Variants in SHANK2 observed in about 807,000 individuals in gnomAD.
SHANK2 encodes the protein SH3 and multiple ankyrin repeat domains protein 2.
In SHANK2, 43 loss-of-function variants were observed where a neutral mutation model predicts 133.7. The ratio of observed to expected loss-of-function variants is 0.32; its 90% confidence interval spans 0.25 to 0.41. SHANK2 has a LOEUF of 0.41. SHANK2 is among the 10% of genes least tolerant of loss of function. SHANK2 has a pLI of 1.00. For missense variants in SHANK2, 1,994 were observed against 2,235.8 expected (o/e 0.89, Z 2.18); for synonymous variants, 1,017 against 952.8 (o/e 1.07, Z -1.24).
At chr11:70,876,104 C>T (rs1458108738) in intron 11 of SHANK2, among the ~76,000 whole-genome samples, 8 of 150,636 alleles carry the variant, frequency 5.3e-5, no homozygotes, top group East Asian at 2.0e-4. Context: ...TGCAGTGAGC[C>T]GAGATCACAC....
intron 1 of SHANK2, among the ~76,000 whole-genome samples, chr11:71,231,382 C>G (rs1459010364): frequency 6.6e-6 from 1 of 152,090 alleles, no homozygotes; most frequent in Non-Finnish European, 1.5e-5. Flanking sequence ...ATCAAAACAG[C>G]TAGAATGAAA....
chr11:70,909,425 G>A (rs1368455638), intron 10 of SHANK2, among the ~76,000 whole-genome samples: 1 of 152,154 alleles, frequency 6.6e-6, no homozygotes, highest in Non-Finnish European at 1.5e-5. Flanking sequence ...GTAATGATGA[G>A]GAGAGTGATC....
At chr11:70,622,543 C>A (rs1351327304) in intron 17 of SHANK2, among the ~76,000 whole-genome samples, 1 of 152,238 alleles carries the variant, frequency 6.6e-6, no homozygotes, top group Non-Finnish European at 1.5e-5. Context: ...TGGGAGGGGC[C>A]ATCCGTTCCG....
At chr11:70,757,749 G>A (rs1946904202) in intron 14 of SHANK2, among the ~76,000 whole-genome samples, 1 of 152,188 alleles carries the variant, frequency 6.6e-6, no homozygotes, top group African/African-American at 2.4e-5. Flanking sequence ...ACAACAGGAT[G>A]ACTCTATATC....
At chr11:70,538,202 C>T (rs1338891996) in intron 17 of SHANK2, among the ~76,000 whole-genome samples, 6 of 152,226 alleles carry the variant, frequency 3.9e-5, no homozygotes, top group African/African-American at 1.4e-4. Flanking sequence ...CCGGGGGCTC[C>T]TGCAGCCCTG....
intron 17 of SHANK2, among the ~76,000 whole-genome samples, chr11:70,576,399 C>G (rs1377581267): frequency 2.0e-5 from 3 of 152,124 alleles, no homozygotes; most frequent in African/African-American, 7.2e-5. Context: ...CTTTGGGAGG[C>G]CGAGGCGGGC....
intron 3 of SHANK2, among the ~76,000 whole-genome samples, chr11:71,136,524 A>G (rs1407625791): frequency 6.6e-6 from 1 of 152,206 alleles, no homozygotes; most frequent in African/African-American, 2.4e-5. Flanking sequence ...TAATAGATAC[A>G]AAGTACATCA....
chr11:70,700,379 G>T (rs1366581653), intron 14 of SHANK2, among the ~76,000 whole-genome samples: 1 of 152,148 alleles, frequency 6.6e-6, no homozygotes, highest in South Asian at 2.1e-4. Flanking sequence ...GTGCAGCCAG[G>T]GGCACCCTCT....
At chr11:71,154,501 G>C (rs1483652364) in intron 2 of SHANK2, among the ~76,000 whole-genome samples, 1 of 152,220 alleles carries the variant, frequency 6.6e-6, no homozygotes, top group Non-Finnish European at 1.5e-5. Flanking sequence ...TTAACCCACT[G>C]TTCTCCTCCC....
At chr11:70,523,557 C>T (rs547360822) in intron 17 of SHANK2, among the ~76,000 whole-genome samples, 3 of 152,112 alleles carry the variant, frequency 2.0e-5, no homozygotes, top group African/African-American at 7.2e-5. Context: ...GGTGCTGCCC[C>T]GAAGCCCTGT....
chr11:70,631,195 C>T (rs1591673535), intron 17 of SHANK2: 1 of 152,416 alleles, frequency 6.6e-6, no homozygotes, highest in African/African-American at 2.4e-5. Context: ...ATCCAGGAGG[C>T]CTTAGGAACA....
chr11:70,502,019 G>A, intron 19 of SHANK2, 88 bp from the exon 20 acceptor site: 1 of 1,452,078 alleles, frequency 6.9e-7, no homozygotes, highest in Non-Finnish European at 9.5e-7. Flanking sequence ...GCCCCGCGAG[G>A]CTCCGAGGGA....
intron 14 of SHANK2, among the ~76,000 whole-genome samples, chr11:70,777,121 A>G (rs1947382398): frequency 6.8e-6 from 1 of 147,782 alleles, no homozygotes; most frequent in Admixed American, 6.7e-5. Flanking sequence ...GCATTTACAC[A>G]TCTGCCCATC....
At chr11:70,660,802 T>C (rs1330937605) in intron 16 of SHANK2, among the ~76,000 whole-genome samples, 1 of 152,184 alleles carries the variant, frequency 6.6e-6, no homozygotes, top group Non-Finnish European at 1.5e-5. Flanking sequence ...CAGGTGGGCA[T>C]GCCAGCTGGG....
intron 3 of SHANK2, among the ~76,000 whole-genome samples, chr11:71,121,120 G>A (rs782306364): frequency 1.3e-5 from 2 of 152,210 alleles, no homozygotes; most frequent in Non-Finnish European, 2.9e-5. Flanking sequence ...GAGCTCAAAG[G>A]TCGGAAAGCC....
chr11:70,738,320 C>T (rs1565281427), intron 14 of SHANK2, among the ~76,000 whole-genome samples: 2 of 152,244 alleles, frequency 1.3e-5, no homozygotes, highest in African/African-American at 4.8e-5. Flanking sequence ...CAGGGAAAGG[C>T]GCTCCCCTCT....
intron 17 of SHANK2, among the ~76,000 whole-genome samples, chr11:70,636,892 G>A (rs1167806153): frequency 6.6e-6 from 1 of 152,190 alleles, no homozygotes. Flanking sequence ...GGTAGCATGT[G>A]TGCAAGTGTG....
At chr11:70,575,174 C>T (rs2060100237) in intron 17 of SHANK2, among the ~76,000 whole-genome samples, 2 of 152,128 alleles carry the variant, frequency 1.3e-5, no homozygotes, top group African/African-American at 4.8e-5. Flanking sequence ...GCCAAGCCAC[C>T]CAGGCGGGCA....
rs186682278 is a variant in SHANK2 at position 71,172,513 on chromosome 11, G to A, written c.-12-25175C>T. Among the ~76,000 whole-genome samples, 533 of 148,458 alleles carry A rather than the reference G, an allele frequency of 3.6e-3. 3 individuals are homozygous for A. Among genetic ancestry groups the A allele is most frequent in the African/African-American group, 0.012 (503 of 40,536 alleles). Reference sequence around the variant, plus strand: ...CTCTGGAGGCTGAAGCAGGAGAATCGCTTGAACCCGGGAGGCAGAGGTTGC... The same window carrying A: ...CTCTGGAGGCTGAAGCAGGAGAATCACTTGAACCCGGGAGGCAGAGGTTGC... On this transcript the variant is annotated intron_variant, in intron 2 of 25. Coordinates refer to ENST00000601538, the MANE Select transcript of SHANK2 (RefSeq NM_012309.5).
Sources: gnomAD v4.1 joint callset for allele counts (sites outside exome capture counted in the v4.1 genomes callset) on GRCh38, gnomAD v4.1.1 for gene constraint, MANE v1.5 for transcripts, NCBI Gene and HGNC (gene_info 2026-07-23, HGNC 2026-07-21) for gene names.